The following SOX6 variants were observed in gnomAD, a reference collection of about 807,000 sequenced individuals.
SOX6 encodes SRY-box transcription factor 6.
SOX6 carries 11 observed loss-of-function variants against 97.8 expected under a neutral mutation model. The ratio of observed to expected loss-of-function variants is 0.11; its 90% CI spans 0.07 to 0.19. The LOEUF is 0.19. Ranked by LOEUF, SOX6 falls within the 10% of genes least tolerant of loss-of-function variation. SOX6 has a pLI of 1.00. For synonymous variants in SOX6, 360 were observed against 371.4 expected (o/e 0.97, Z 0.35); for missense variants, 810 against 1,039.5 (o/e 0.78, Z 3.04).
intron 3 of SOX6, among the ~76,000 whole-genome samples, chr11:16,648,959 G>T (rs1187507544): frequency 6.6e-6 from 1 of 151,922 alleles, no homozygotes; most frequent in Non-Finnish European, 1.5e-5. Flanking sequence ...GACACACTTA[G>T]AGAAATACAA....
intron 12 of SOX6, among the ~76,000 whole-genome samples, chr11:16,018,731 A>C (rs948816116): frequency 2.6e-5 from 4 of 152,068 alleles, no homozygotes; most frequent in African/African-American, 9.7e-5. Flanking sequence ...TGTTGTAAAA[A>C]ATATTCTGTT....
chr11:16,721,183 T>G (rs1476028997), intron 2 of SOX6, among the ~76,000 whole-genome samples: 1 of 152,178 alleles, frequency 6.6e-6, no homozygotes, highest in Non-Finnish European at 1.5e-5. Context: ...AGGCCCAACT[T>G]AGGAAGCTTA....
chr11:15,970,801 T>G lies in SOX6; in HGVS notation c.*2008A>C, dbSNP rs1317534377. 3 of 152,648 alleles carry G rather than the reference T, an allele frequency of 2.0e-5. No individual in the cohort carries two copies. Among genetic ancestry groups the G allele is most frequent in the Admixed American group, 2.0e-4 (3 of 15,286 alleles). The allele number at this position is 152,648 out of a possible 1,614,324, so 9.5% of individuals were successfully genotyped here. A position where few individuals can be genotyped will look rare whatever the true frequency, so the allele number is the denominator to read the frequency against. ...ATTTTCTTCCAAGTGACAAAATGGC[T>G]CAAGAAATCTGATGGGGCCATTCCT... On this transcript the variant is annotated 3_prime_UTR_variant, in exon 16 of 16. Coordinates refer to ENST00000683767, the MANE Select transcript of SOX6 (RefSeq NM_001367873.1).
At chr11:16,673,067 G>A (rs1847858996) in intron 3 of SOX6, among the ~76,000 whole-genome samples, 2 of 152,042 alleles carry the variant, frequency 1.3e-5, no homozygotes, top group African/African-American at 4.8e-5. Context: ...GCAAGACTCT[G>A]CCTCAAAAAC....
At chr11:16,319,918 C>T (rs957387464) in intron 2 of SOX6, among the ~76,000 whole-genome samples, 13 of 151,414 alleles carry the variant, frequency 8.6e-5, no homozygotes, top group African/African-American at 2.9e-4. Flanking sequence ...AAAGGACAGG[C>T]TTATTATAGA....
chr11:16,576,845 T>C (rs1309203807), intron 4 of SOX6: 2 of 152,170 alleles, frequency 1.3e-5, no homozygotes, highest in Non-Finnish European at 1.5e-5. Flanking sequence ...TTTCAAAATA[T>C]AAATAACTGC....
intron 1 of SOX6, among the ~76,000 whole-genome samples, chr11:16,377,474 T>G (rs1857672716): frequency 6.6e-6 from 1 of 151,942 alleles, no homozygotes; most frequent in African/African-American, 2.4e-5. Context: ...AGAACTAAAA[T>G]CAAATAGACA....
At chr11:16,718,487 G>A (rs1848234947) in intron 2 of SOX6, among the ~76,000 whole-genome samples, 1 of 152,040 alleles carries the variant, frequency 6.6e-6, no homozygotes, top group East Asian at 1.9e-4. Context: ...CCCCTCTTCA[G>A]GAATGCTGAA....
intron 7 of SOX6, among the ~76,000 whole-genome samples, chr11:16,106,338 G>A (rs1271381307): frequency 8.7e-6 from 1 of 114,720 alleles, no homozygotes; most frequent in African/African-American, 3.1e-5. Flanking sequence ...ACTGGCATAA[G>A]GAGACATATA....
chr11:16,690,455 TTC>T (rs1848005038), intron 3 of SOX6, among the ~76,000 whole-genome samples: 1 of 152,354 alleles, frequency 6.6e-6, no homozygotes, highest in Non-Finnish European at 1.5e-5. Flanking sequence ...CTTAGTTCTT[TTC>T]TGTTTCCCCT....
intron 4 of SOX6, among the ~76,000 whole-genome samples, chr11:16,564,562 C>T (rs1232206885): frequency 6.6e-6 from 1 of 151,942 alleles, no homozygotes; most frequent in Non-Finnish European, 1.5e-5. Context: ...ACAAACTAGG[C>T]CATAAAACAA....
chr11:16,114,413 A>G (rs1469675953), intron 6 of SOX6, among the ~76,000 whole-genome samples: 3 of 152,222 alleles, frequency 2.0e-5, no homozygotes, highest in Non-Finnish European at 2.9e-5. Flanking sequence ...TATTGTGAGG[A>G]CCAAATAGAC....
intron 4 of SOX6, among the ~76,000 whole-genome samples, chr11:16,196,830 CTTTTTTTTTTTT>C (rs34023402): frequency 1.6e-5 from 1 of 63,522 alleles, no homozygotes; most frequent in Non-Finnish European, 2.8e-5. Flanking sequence ...TCTTCTTCTT[CTTTTTTTTTTTT>C]TTTTTTTTTG....
At chr11:16,448,144 C>T (rs1196022339) in intron 1 of SOX6, among the ~76,000 whole-genome samples, 1 of 152,158 alleles carries the variant, frequency 6.6e-6, no homozygotes, top group Non-Finnish European at 1.5e-5. Flanking sequence ...CAGCTATGTG[C>T]TTAGAGGAAG....
intron 3 of SOX6, among the ~76,000 whole-genome samples, chr11:16,637,440 T>C (rs1355558951): frequency 6.6e-6 from 1 of 152,094 alleles, no homozygotes; most frequent in Non-Finnish European, 1.5e-5. Context: ...AGGCTGGTCT[T>C]GAACTCCTGA....
intron 1 of SOX6, among the ~76,000 whole-genome samples, chr11:16,413,138 T>C (rs191386742): frequency 2.7e-3 from 416 of 152,316 alleles, no homozygotes; most frequent in African/African-American, 9.7e-3. Context: ...GCAAACTTCA[T>C]TTAATAGCAG....
At chr11:16,473,618 C>T (rs1014791910) in intron 1 of SOX6, among the ~76,000 whole-genome samples, 1 of 145,972 alleles carries the variant, frequency 6.9e-6, no homozygotes, top group Admixed American at 7.1e-5. Context: ...GTGGCATGAT[C>T]TTGGCTCACT....
chr11:16,295,136 T>C (rs1855034336), intron 3 of SOX6, among the ~76,000 whole-genome samples: 1 of 152,098 alleles, frequency 6.6e-6, no homozygotes, highest in Non-Finnish European at 1.5e-5. Context: ...ATCTAAAATG[T>C]AAAAGGAATT....
chr11:16,279,007 TAA>T (rs2134239898), intron 3 of SOX6, among the ~76,000 whole-genome samples: 1 of 152,216 alleles, frequency 6.6e-6, no homozygotes, highest in Admixed American at 6.5e-5. Context: ...GCAAAAACAC[TAA>T]AAAGCTTATG....
Sources: allele counts gnomAD v4.1 joint callset (sites outside exome capture counted in the v4.1 genomes callset), GRCh38; gene constraint gnomAD v4.1.1; transcripts MANE v1.5; gene names NCBI Gene and HGNC (gene_info 2026-07-23, HGNC 2026-07-21).